Variants in MTMR8 observed in about 807,000 individuals in gnomAD.
The protein encoded by MTMR8 is myotubularin related protein 8.
Under a neutral mutation model 39.3 loss-of-function variants are expected in MTMR8, and 65 were observed. The observed-to-expected ratio is 1.65, with a 90% CI of 1.35 to 2.03. MTMR8 has a LOEUF of 2.03. Among genes scored for constraint, MTMR8 ranks in the 30% most tolerant of loss-of-function variants. The pLI, the probability that MTMR8 is intolerant of heterozygous loss-of-function variation, is 0.00. For synonymous variants in MTMR8, 245 were observed against 185.2 expected (o/e 1.32, Z -2.62); for missense variants, 777 against 538.9 (o/e 1.44, Z -4.37).
chrX:64,291,837 G>T (rs369843009), intron 12 of MTMR8, among the ~76,000 whole-genome samples: 3 of 111,662 alleles, frequency 2.7e-5, no homozygotes, highest in East Asian at 2.8e-4. Flanking sequence ...CTGGACAAGT[G>T]GTAGTGCCAG....
At chrX:64,283,915 G>T (rs780766274) in intron 12 of MTMR8, among the ~76,000 whole-genome samples, 2 of 112,259 alleles carry the variant, frequency 1.8e-5, no homozygotes, top group Non-Finnish European at 3.8e-5. Flanking sequence ...AAATCAGAGC[G>T]CCTCTCCTTC....
chrX:64,366,392 T>A (rs1398764775), intron 1 of MTMR8, among the ~76,000 whole-genome samples: 1 of 111,477 alleles, frequency 9.0e-6, no homozygotes, highest in Admixed American at 9.5e-5. Context: ...AGAACAGAAA[T>A]CACAACAAAC....
At position 64,377,713 on chromosome X, in the gene MTMR8, T is replaced by C. The variant is rs936414759; in HGVS notation, c.24+17627A>G. Among the ~76,000 whole-genome samples, 3 of 112,324 alleles carry C rather than the reference T, an allele frequency of 2.7e-5. No individual in the cohort carries two copies. In the South Asian group the frequency reaches 1.1e-3, roughly 42 times the overall value. On this transcript the variant is annotated intron_variant, in intron 1 of 13. Coordinates refer to ENST00000374852, the MANE Select transcript of MTMR8 (RefSeq NM_017677.4). ...TTGAACTTTTGAATTAATGCTAGAATGAGTTAAGACTCTGGGGAACTGTTA... is the reference window on the plus strand; with the variant it reads ...TTGAACTTTTGAATTAATGCTAGAACGAGTTAAGACTCTGGGGAACTGTTA...
chrX:64,374,195 C>G (rs1472349898), intron 1 of MTMR8, among the ~76,000 whole-genome samples: 1 of 111,496 alleles, frequency 9.0e-6, no homozygotes, highest in African/African-American at 3.3e-5. Flanking sequence ...CAAAAGACAT[C>G]CTGTGGTAAA....
At chrX:64,309,461 C>CAA (rs200696048) in intron 12 of MTMR8, among the ~76,000 whole-genome samples, 81 of 105,989 alleles carry the variant, frequency 7.6e-4, no homozygotes, top group African/African-American at 2.7e-3. Flanking sequence ...CTTGTAAATG[C>CAA]AAAAAAAAAC....
chrX:64,280,960 A>G (rs1263032096), intron 12 of MTMR8, among the ~76,000 whole-genome samples: 1 of 111,305 alleles, frequency 9.0e-6, no homozygotes, highest in Non-Finnish European at 1.9e-5. Context: ...TGCTACAAAG[A>G]GAATACAATT....
intron 3 of MTMR8, among the ~76,000 whole-genome samples, chrX:64,355,282 C>T (rs1473376360): frequency 8.9e-6 from 1 of 112,042 alleles, no homozygotes; most frequent in Non-Finnish European, 1.9e-5. Flanking sequence ...ACTGGGCTCC[C>T]ATGTCCTAAT....
At chrX:64,390,183 A>G (rs1166544218) in intron 1 of MTMR8, among the ~76,000 whole-genome samples, 1 of 112,319 alleles carries the variant, frequency 8.9e-6, no homozygotes, top group Non-Finnish European at 1.9e-5. Context: ...TATGCTAAGT[A>G]CAAGGGCTAA....
chrX:64,336,736 G>A lies in MTMR8; in HGVS notation c.1101+532C>T, dbSNP rs188148792. On this transcript the variant is annotated intron_variant, in intron 9 of 13. Coordinates refer to ENST00000374852, the MANE Select transcript of MTMR8 (RefSeq NM_017677.4). ...CACTTGAACCCAGGAGGTGGAGGTT[G>A]CAGTGAGCCAATATCGCACCACTGC... Among the ~76,000 whole-genome samples, 24 of 111,544 alleles carry A rather than the reference G, an allele frequency of 2.2e-4. No individual in the cohort carries two copies. The East Asian group carries it at 6.2e-3, about 29-fold the overall frequency.
At chrX:64,302,087 G>T (rs1404908773) in intron 12 of MTMR8, among the ~76,000 whole-genome samples, 1 of 112,890 alleles carries the variant, frequency 8.9e-6, no homozygotes, top group Middle Eastern at 4.2e-3. Flanking sequence ...GCTGTGGTTG[G>T]CTCCACCCAG....
At chrX:64,275,517 G>C in intron 12 of MTMR8, among the ~76,000 whole-genome samples, 1 of 108,965 alleles carries the variant, frequency 9.2e-6, no homozygotes. Flanking sequence ...ACTACATAGA[G>C]AGGCCCCCAT....
chrX:64,348,839 G>GA lies in MTMR8; in HGVS notation c.598-46_598-45insT, dbSNP rs766875080. ...CAGTTGAGTGATTATATTCACAAAT[G>GA]GTCAAAAATCTTTCTTGACCCTTGC... On this transcript the variant is annotated intron_variant, in intron 5 of 13. Coordinates refer to ENST00000374852, the MANE Select transcript of MTMR8 (RefSeq NM_017677.4). 117 of 1,194,383 alleles carry GA rather than the reference G, an allele frequency of 9.8e-5. 1 individual carries two copies. Among genetic ancestry groups the GA allele is most frequent in the Non-Finnish European group, 1.3e-4 (115 of 884,140 alleles).
At chrX:64,276,729 T>C (rs1027249629) in intron 12 of MTMR8, among the ~76,000 whole-genome samples, 6 of 111,842 alleles carry the variant, frequency 5.4e-5, no homozygotes, top group Non-Finnish European at 7.5e-5. Context: ...ATAAGTGCAA[T>C]GTGGTGCTGA....
At chrX:64,388,325 G>A (rs962205362) in intron 1 of MTMR8, among the ~76,000 whole-genome samples, 9 of 111,866 alleles carry the variant, frequency 8.0e-5, no homozygotes, top group African/African-American at 2.9e-4. Context: ...CAACTGCTGT[G>A]CCCTGTATGT....
At chrX:64,270,047 G>C (rs1207996841) in intron 13 of MTMR8, among the ~76,000 whole-genome samples, 1 of 110,153 alleles carries the variant, frequency 9.1e-6, no homozygotes, top group Non-Finnish European at 1.9e-5. Flanking sequence ...GTAGCTAAAA[G>C]AGGAGCCGTT....
At chrX:64,339,235 C>T (rs902532472) in intron 8 of MTMR8, among the ~76,000 whole-genome samples, 2 of 110,404 alleles carry the variant, frequency 1.8e-5, no homozygotes, top group African/African-American at 6.6e-5. Context: ...AAAGGGCAAG[C>T]AGAGGAAGGA....
chrX:64,311,582 T>C (rs1424100387), intron 12 of MTMR8, among the ~76,000 whole-genome samples: 1 of 111,663 alleles, frequency 9.0e-6, no homozygotes, highest in Non-Finnish European at 1.9e-5. Flanking sequence ...GCCTATGTCC[T>C]GAATAGTACT....
chrX:64,284,026 C>CG (rs1921059074), intron 12 of MTMR8, among the ~76,000 whole-genome samples: 2 of 111,246 alleles, frequency 1.8e-5, no homozygotes, highest in African/African-American at 6.6e-5. Context: ...AAACTACTAC[C>CG]AGCTAAAGGA....
chrX:64,373,130 G>T (rs924497905), intron 1 of MTMR8, among the ~76,000 whole-genome samples: 1 of 112,080 alleles, frequency 8.9e-6, no homozygotes, highest in Non-Finnish European at 1.9e-5. Context: ...TGTGGAAATT[G>T]GGTCTCAGAG....
Sources: gnomAD v4.1 joint callset for allele counts (sites outside exome capture counted in the v4.1 genomes callset) on GRCh38, gnomAD v4.1.1 for gene constraint, MANE v1.5 for transcripts, NCBI Gene and HGNC (gene_info 2026-07-23, HGNC 2026-07-21) for gene names.